The following CCDC73 variants were observed in gnomAD, a reference collection of about 807,000 sequenced individuals.
CCDC73 encodes the protein coiled-coil domain containing 73.
Under a neutral mutation model 116.5 loss-of-function variants are expected in CCDC73, and 95 were observed. The observed-to-expected ratio is 0.82, with a 90% confidence interval of 0.69 to 0.97. The LOEUF (loss-of-function observed/expected upper bound fraction) is 0.97, where lower values mean the gene tolerates loss of function less well. Among genes scored for constraint, CCDC73 ranks in the 50% least tolerant of loss-of-function variants. The pLI is 0.00. For synonymous variants in CCDC73, 398 were observed against 401.3 expected (o/e 0.99, Z 0.10); for missense variants, 1,066 against 1,206.8 (o/e 0.88, Z 1.73).
chr11:32,629,560 CG>C (rs1855609168), intron 14 of CCDC73, among the ~76,000 whole-genome samples: 1 of 151,920 alleles, frequency 6.6e-6, no homozygotes, highest in South Asian at 2.1e-4. Flanking sequence ...CCACCACGCC[CG>C]GCGAATTTTT....
At position 32,631,629 on chromosome 11, in the gene CCDC73, C is replaced by A. The variant is rs572808533; in HGVS notation, c.1185+4067G>T. Among the ~76,000 whole-genome samples, 785 of 128,024 alleles carry A rather than the reference C, an allele frequency of 6.1e-3. 10 individuals carry two copies. Among genetic ancestry groups the A allele is most frequent in the African/African-American group, 0.021 (707 of 33,238 alleles). 84.0% of individuals were successfully genotyped at this position (128,024 alleles called of 152,430 possible). ...AAGGAAGGGAAGGGAAGGGAAGGGA[C>A]GGGAAAGGAAAGGAAAGGAAAGGAA... On this transcript the variant is annotated intron_variant, in intron 14 of 17. Coordinates refer to ENST00000335185, the MANE Select transcript of CCDC73 (RefSeq NM_001008391.4).
chr11:32,743,048 G>A (rs1850203094), intron 2 of CCDC73, among the ~76,000 whole-genome samples: 1 of 152,116 alleles, frequency 6.6e-6, no homozygotes, highest in Admixed American at 6.6e-5. Context: ...ATGCTGTTTT[G>A]GTTACTGTAG....
intron 1 of CCDC73, among the ~76,000 whole-genome samples, chr11:32,790,589 A>G (rs1453649315): frequency 6.6e-6 from 1 of 152,156 alleles, no homozygotes; most frequent in Non-Finnish European, 1.5e-5. Flanking sequence ...AACCACTTTT[A>G]GTTTCTTAAA....
chr11:32,662,478 G>A (rs1488791336), intron 9 of CCDC73, among the ~76,000 whole-genome samples: 1 of 151,860 alleles, frequency 6.6e-6, no homozygotes, highest in Non-Finnish European at 1.5e-5. Context: ...CTGCATAAAT[G>A]TCTTCTTTTG....
chr11:32,688,767 T>A (rs1350690281), intron 6 of CCDC73, among the ~76,000 whole-genome samples: 2 of 152,178 alleles, frequency 1.3e-5, no homozygotes, highest in East Asian at 3.8e-4. Context: ...AAGTGATTCT[T>A]AAAAACATTG....
chr11:32,659,767 G>A (rs919962794), intron 9 of CCDC73, among the ~76,000 whole-genome samples: 3 of 152,084 alleles, frequency 2.0e-5, no homozygotes, highest in Non-Finnish European at 4.4e-5. Context: ...AGGCAGGCTG[G>A]TTGACCTGGA....
At chr11:32,758,645 A>G (rs1850364257) in intron 2 of CCDC73, 3 of 313,706 alleles carry the variant, frequency 9.6e-6, no homozygotes, top group South Asian at 8.4e-5. Flanking sequence ...GGGTAATAAA[A>G]GAAAAAAAAA....
At chr11:32,638,431 G>A (rs2133246326) in intron 13 of CCDC73, among the ~76,000 whole-genome samples, 1 of 152,064 alleles carries the variant, frequency 6.6e-6, no homozygotes, top group Non-Finnish European at 1.5e-5. Context: ...GACTATTCAT[G>A]GTCCTTGAAA....
intron 14 of CCDC73, among the ~76,000 whole-genome samples, chr11:32,632,371 G>A (rs1452468861): frequency 3.3e-5 from 5 of 152,080 alleles, no homozygotes; most frequent in African/African-American, 9.7e-5. Context: ...AACTACAGGC[G>A]CGTGCCACCA....
chr11:32,748,090 C>T (rs892391417), intron 2 of CCDC73, among the ~76,000 whole-genome samples: 1 of 152,144 alleles, frequency 6.6e-6, no homozygotes, highest in African/African-American at 2.4e-5. Flanking sequence ...AGCGACCCAT[C>T]CTACATGTTC....
At chr11:32,696,779 T>C (rs1856314830) in intron 6 of CCDC73, among the ~76,000 whole-genome samples, 1 of 152,144 alleles carries the variant, frequency 6.6e-6, no homozygotes, top group Non-Finnish European at 1.5e-5. Context: ...AATTTTAACT[T>C]GCTTTATATC....
At chr11:32,811,316 C>T in the CCDC73 span, among the ~76,000 whole-genome samples, 1 of 152,068 alleles carries the variant, frequency 6.6e-6, no homozygotes, top group Non-Finnish European at 1.5e-5. Context: ...TGAATGTACT[C>T]CTAATCAAGA....
At position 32,613,565 on chromosome 11, in the gene CCDC73, C is replaced by G; in HGVS notation, c.2753G>C (p.Ser918Thr). ...GPWSKVNHIE[S>T]QTASSSTPCI... Reference sequence around the variant, plus strand: ...AGGGGTCGAACTGCTCGCTGTTTGACTTTCAATGTGATTTACTTTTGACCA... The same window carrying G: ...AGGGGTCGAACTGCTCGCTGTTTGAGTTTCAATGTGATTTACTTTTGACCA... Residue 918 changes from serine (S) to threonine (T), a missense_variant, in exon 16 of 18, where the codon AGT (serine) becomes ACT (threonine). By Grantham distance (58) the Ser-to-Thr change is moderately conservative (BLOSUM62 1). Coordinates refer to ENST00000335185, the MANE Select transcript of CCDC73 (RefSeq NM_001008391.4). The G allele has an allele frequency of 6.2e-7, 1 of 1,614,076 alleles. No homozygotes were observed. The highest frequency in any genetic ancestry group is 8.5e-7 in the Non-Finnish European group (1 of 1,180,008).
Position 32,683,563 on chromosome 11 carries a change from G to A in CCDC73, c.402C>T (p.Tyr134=). ...TTTCACTCACTTTCTTCTGTAAAGA[G>A]TATTTAGAAACCTTGAAAAATAAGG... The part of the protein sequence containing the change: ...ETLKALQVSK[Y]SLQKKVSEME... Residue 134 remains tyrosine, a synonymous_variant, in exon 7 of 18, where the codon TAC becomes TAT. Coordinates refer to ENST00000335185, the MANE Select transcript of CCDC73 (RefSeq NM_001008391.4). 1.3e-6 allele frequency: 2 copies of A among 1,510,144 alleles called. No individual in the cohort carries two copies. Among genetic ancestry groups the A allele is most frequent in the Non-Finnish European group, 1.8e-6 (2 of 1,092,524 alleles). 93.5% of individuals were successfully genotyped at this position (1,510,144 alleles called of 1,614,324 possible).
intron 2 of CCDC73, among the ~76,000 whole-genome samples, chr11:32,731,776 G>A (rs1850080780): frequency 6.6e-6 from 1 of 152,162 alleles, no homozygotes; most frequent in African/African-American, 2.4e-5. Flanking sequence ...CATCATCAAA[G>A]ACCAAAGGTA....
At chr11:32,779,990 G>A (rs899785250) in intron 1 of CCDC73, among the ~76,000 whole-genome samples, 8 of 152,078 alleles carry the variant, frequency 5.3e-5, no homozygotes, top group Non-Finnish European at 1.0e-4. Context: ...AAAATAACAC[G>A]AGGTTGGGTG....
At chr11:32,762,997 AT>A (rs1057438753) in intron 1 of CCDC73, among the ~76,000 whole-genome samples, 1 of 152,214 alleles carries the variant, frequency 6.6e-6, no homozygotes, top group African/African-American at 2.4e-5. Context: ...AGCCTCGCTC[AT>A]TTCTAGCACA....
At chr11:32,670,488 C>T (rs1808415081) in intron 9 of CCDC73, among the ~76,000 whole-genome samples, 1 of 149,944 alleles carries the variant, frequency 6.7e-6, no homozygotes, top group African/African-American at 2.5e-5. Flanking sequence ...CACCACTGCA[C>T]TCCAGCCTGG....
At chr11:32,746,973 G>A (rs951848134) in intron 2 of CCDC73, among the ~76,000 whole-genome samples, 16 of 152,120 alleles carry the variant, frequency 1.1e-4, no homozygotes, top group African/African-American at 3.4e-4. Context: ...CCTTGCTGGC[G>A]AGGAGTTGTG....
Sources: allele counts gnomAD v4.1 joint callset (sites outside exome capture counted in the v4.1 genomes callset), GRCh38; gene constraint gnomAD v4.1.1; transcripts MANE v1.5; gene names NCBI Gene and HGNC (gene_info 2026-07-23, HGNC 2026-07-21).